The following UNC13C variants were observed in gnomAD, a reference collection of about 807,000 sequenced individuals.
UNC13C encodes the protein unc-13 homolog C.
UNC13C carries 174 observed loss-of-function variants against 245.4 expected under a neutral mutation model. The observed-to-expected ratio is 0.71, with a 90% CI of 0.63 to 0.80. The LOEUF is 0.80. Ranked by LOEUF, UNC13C falls within the 30% of genes least tolerant of loss-of-function variation. The pLI is 0.00. For missense variants in UNC13C, 2,829 were observed against 2,602.9 expected (o/e 1.09, Z -1.89); for synonymous variants, 992 against 895.1 (o/e 1.11, Z -1.93).
rs2031572976 is a variant in UNC13C, at chr15:54,133,818, A to G, written c.2984-9200A>G. ...TGTATATACATATATGATTATCTGC[A>G]TATCTGTACATGTTTTATATATATA... is the stretch of plus-strand genomic sequence containing the variant. On this transcript the variant is annotated intron_variant, in intron 2 of 32. Coordinates refer to ENST00000260323, the MANE Select transcript of UNC13C (RefSeq NM_001080534.3). 4.6e-5 allele frequency among the ~76,000 whole-genome samples: 7 copies of G among 152,300 alleles called. No individual in the cohort carries two copies. In the South Asian group the frequency reaches 1.5e-3, roughly 32 times the overall value.
chr15:54,584,834 G>A (rs1898403515), intron 30 of UNC13C, among the ~76,000 whole-genome samples: 1 of 152,206 alleles, frequency 6.6e-6, no homozygotes, highest in African/African-American at 2.4e-5. Flanking sequence ...TAGGTGACGG[G>A]TGAGACTTAT....
At chr15:54,411,698 T>G (rs1256223286) in intron 18 of UNC13C, among the ~76,000 whole-genome samples, 2 of 152,164 alleles carry the variant, frequency 1.3e-5, no homozygotes, top group African/African-American at 4.8e-5. Flanking sequence ...TCTGTATAAA[T>G]TATTATATTT....
rs2032294369 is a variant in UNC13C at position 54,147,109 on chromosome 15, G to T, written c.3071+3425G>T. Among the ~76,000 whole-genome samples the T allele has an allele frequency of 2.0e-5, 3 of 152,134 alleles. No homozygotes were observed. In the South Asian group the frequency reaches 6.2e-4, roughly 31 times the overall value. On this transcript the variant is annotated intron_variant, in intron 4 of 32. Coordinates refer to ENST00000260323, the MANE Select transcript of UNC13C (RefSeq NM_001080534.3). The stretch of plus-strand genomic sequence containing the variant: ...GCACCCGGTGAATGACACACTGGAG[G>T]TGTGTCAGCTGGAGGCTTTTACCCA...
At chr15:54,610,420 G>A (rs1376749519) in intron 30 of UNC13C, among the ~76,000 whole-genome samples, 1 of 152,040 alleles carries the variant, frequency 6.6e-6, no homozygotes, top group Non-Finnish European at 1.5e-5. Context: ...ATTTTTAGTA[G>A]AGGCAGGGTT....
intron 30 of UNC13C, among the ~76,000 whole-genome samples, chr15:54,588,076 TAAG>T (rs1468993987): frequency 1.3e-5 from 2 of 152,098 alleles, no homozygotes; most frequent in East Asian, 3.9e-4. Flanking sequence ...GAGTCCTAGA[TAAG>T]ATGATAGAGA....
intron 2 of UNC13C, among the ~76,000 whole-genome samples, chr15:54,088,326 C>T (rs577539234): frequency 5.4e-5 from 8 of 149,028 alleles, no homozygotes; most frequent in Admixed American, 3.4e-4. Flanking sequence ...TGTGTATCCT[C>T]TTCCAGTTTG....
intron 4 of UNC13C, among the ~76,000 whole-genome samples, chr15:54,168,394 T>A (rs1354568653): frequency 6.6e-6 from 1 of 152,230 alleles, no homozygotes. Context: ...ATGTTTACAT[T>A]CATTGTTAAA....
At chr15:54,092,376 T>TA (rs1034526654) in intron 2 of UNC13C, among the ~76,000 whole-genome samples, 1 of 152,170 alleles carries the variant, frequency 6.6e-6, no homozygotes, top group African/African-American at 2.4e-5. Flanking sequence ...TGCTATAATT[T>TA]AAAAAAATCA....
chr15:54,498,707 G>A (rs992275850), intron 20 of UNC13C, among the ~76,000 whole-genome samples: 1 of 152,018 alleles, frequency 6.6e-6, no homozygotes, highest in Non-Finnish European at 1.5e-5. Context: ...CGGCGTACAA[G>A]CCATGTTTTC....
At chr15:53,934,674 T>C in the UNC13C span, among the ~76,000 whole-genome samples, 1 of 152,226 alleles carries the variant, frequency 6.6e-6, no homozygotes, top group African/African-American at 2.4e-5. Flanking sequence ...GAATAGGTGC[T>C]TATGAGTAAC....
intron 19 of UNC13C, among the ~76,000 whole-genome samples, chr15:54,464,820 G>C (rs1388775811): frequency 6.6e-6 from 1 of 151,406 alleles, no homozygotes; most frequent in Non-Finnish European, 1.5e-5. Flanking sequence ...AAGGTATTAA[G>C]GACTTACAAA....
At chr15:54,226,906 C>A (rs958510963) in intron 4 of UNC13C, among the ~76,000 whole-genome samples, 60 of 152,096 alleles carry the variant, frequency 3.9e-4, no homozygotes, top group Admixed American at 1.8e-3. Context: ...AGGGAGTCCC[C>A]AGGTCTGGGA....
chr15:54,344,400 T>G (rs1292040142), intron 17 of UNC13C, among the ~76,000 whole-genome samples: 1 of 152,252 alleles, frequency 6.6e-6, no homozygotes, highest in East Asian at 1.9e-4. Context: ...TAATATTTTA[T>G]GACTTGGCTT....
intron 10 of UNC13C, among the ~76,000 whole-genome samples, chr15:54,273,696 C>T (rs941712221): frequency 1.9e-4 from 29 of 152,268 alleles, no homozygotes; most frequent in Non-Finnish European, 3.5e-4. Flanking sequence ...GAAGCAATTT[C>T]CCCTGAGTGT....
At chr15:54,146,363 T>C (rs910446516) in intron 4 of UNC13C, among the ~76,000 whole-genome samples, 12 of 152,218 alleles carry the variant, frequency 7.9e-5, no homozygotes, top group Non-Finnish European at 5.9e-5. Flanking sequence ...CTTAGTTTAC[T>C]CAAGTGTCAA....
intron 4 of UNC13C, among the ~76,000 whole-genome samples, chr15:54,175,045 C>A (rs2033558513): frequency 6.6e-6 from 1 of 152,170 alleles, no homozygotes; most frequent in South Asian, 2.1e-4. Flanking sequence ...TAGTGAGAAG[C>A]AGAATAACCT....
intron 30 of UNC13C, among the ~76,000 whole-genome samples, chr15:54,616,703 A>G (rs138366841): frequency 0.039 from 5,994 of 152,164 alleles, 220 homozygotes; most frequent in Admixed American, 0.12. Flanking sequence ...ATAGTTTACA[A>G]AGTAAAAGGT....
intron 4 of UNC13C, among the ~76,000 whole-genome samples, chr15:54,159,572 G>T (rs2032890926): frequency 6.6e-6 from 1 of 152,166 alleles, no homozygotes; most frequent in African/African-American, 2.4e-5. Flanking sequence ...GAAAAAACAG[G>T]TGTCCCTGTG....
the UNC13C span, among the ~76,000 whole-genome samples, chr15:53,939,926 T>C: frequency 1.3e-5 from 2 of 152,078 alleles, no homozygotes; most frequent in African/African-American, 4.8e-5. Flanking sequence ...TGGGTTTATA[T>C]TGGGGAGAGA....
Sources: allele counts gnomAD v4.1 joint callset (sites outside exome capture counted in the v4.1 genomes callset), GRCh38; gene constraint gnomAD v4.1.1; transcripts MANE v1.5; gene names NCBI Gene and HGNC (gene_info 2026-07-23, HGNC 2026-07-21).